Variants in PAX7 observed in about 807,000 individuals in gnomAD.
PAX7 encodes the protein paired box 7, also known as paired box protein Pax-7.
In PAX7, 18 loss-of-function variants were observed where a neutral mutation model predicts 50.7. The observed-to-expected ratio is 0.36, with a 90% CI of 0.25 to 0.53. The LOEUF (loss-of-function observed/expected upper bound fraction) is 0.53. PAX7 is among the 20% of genes least tolerant of loss of function. PAX7 has a pLI of 0.93. For missense variants in PAX7, 644 were observed against 702.9 expected, an observed-to-expected ratio of 0.92 and a Z score of 0.95; for synonymous variants, 310 against 290.4, an observed-to-expected ratio of 1.07 and a Z score of -0.69.
chr1:18,641,996 T>G (rs2088263996), intron 4 of PAX7, among the ~76,000 whole-genome samples: 1 of 148,264 alleles, frequency 6.7e-6, no homozygotes, highest in Non-Finnish European at 1.5e-5. Flanking sequence ...TTCACAGCTT[T>G]CCAAATTTTC....
At chr1:18,717,495 G>C (rs11261052) in intron 7 of PAX7, among the ~76,000 whole-genome samples, 19,608 of 152,112 alleles carry the variant, frequency 0.13, 1,601 homozygotes, top group East Asian at 0.39. Context: ...AGCCAGCTCT[G>C]CTCATCTCTC....
At chr1:18,713,074 T>C (rs1281464677) in intron 7 of PAX7, among the ~76,000 whole-genome samples, 3 of 151,804 alleles carry the variant, frequency 2.0e-5, no homozygotes, top group African/African-American at 7.3e-5. Flanking sequence ...AGATCAAGAC[T>C]CCATCTCAAG....
At chr1:18,656,118 C>T (rs76036634) in intron 4 of PAX7, among the ~76,000 whole-genome samples, 35 of 152,260 alleles carry the variant, frequency 2.3e-4, no homozygotes, top group East Asian at 3.8e-4. Context: ...GCATCTAATG[C>T]GCTTATAACA....
chr1:18,651,808 C>T (rs1359013775), intron 4 of PAX7, among the ~76,000 whole-genome samples: 22 of 133,192 alleles, frequency 1.7e-4, no homozygotes, highest in Non-Finnish European at 3.6e-4. Context: ...ACCCCTCCCC[C>T]TCTCCCCTCC....
intron 4 of PAX7, among the ~76,000 whole-genome samples, chr1:18,665,670 G>C: frequency 2.7e-5 from 2 of 74,022 alleles, no homozygotes; most frequent in Non-Finnish European, 5.1e-5. Context: ...ACTGCGCCCA[G>C]CCTTTTTTTT....
chr1:18,662,998 T>C (rs1049322517), intron 4 of PAX7, among the ~76,000 whole-genome samples: 2 of 152,166 alleles, frequency 1.3e-5, no homozygotes, highest in South Asian at 2.1e-4. Flanking sequence ...CAGAGTTAAA[T>C]ACAATGAATA....
intron 5 of PAX7, among the ~76,000 whole-genome samples, chr1:18,696,505 T>A (rs896694920): frequency 6.6e-6 from 1 of 152,198 alleles, no homozygotes; most frequent in Non-Finnish European, 1.5e-5. Flanking sequence ...GAGATGTAGC[T>A]AAGGAAAGTA....
intron 7 of PAX7, among the ~76,000 whole-genome samples, chr1:18,710,428 G>A (rs142164873): frequency 1.3e-4 from 20 of 152,130 alleles, no homozygotes; most frequent in Non-Finnish European, 2.2e-4. Flanking sequence ...GCGACACTGC[G>A]TTTATAATAG....
intron 7 of PAX7, among the ~76,000 whole-genome samples, chr1:18,713,350 T>G (rs139777661): frequency 1.4e-3 from 206 of 152,214 alleles, no homozygotes; most frequent in African/African-American, 4.6e-3. Context: ...CACAAAATCT[T>G]GGTGTGACAC....
intron 7 of PAX7, among the ~76,000 whole-genome samples, chr1:18,722,624 G>A (rs1008762505): frequency 2.6e-5 from 4 of 152,162 alleles, no homozygotes; most frequent in African/African-American, 7.2e-5. Flanking sequence ...GCCCTGTGTG[G>A]GTGAGGCGGC....
chr1:18,677,168 T>C (rs546676239), intron 4 of PAX7, among the ~76,000 whole-genome samples: 15 of 152,328 alleles, frequency 9.8e-5, no homozygotes, highest in African/African-American at 3.6e-4. Context: ...GCAGGGGAAA[T>C]AACCAAGTTG....
rs934301773 is a variant in PAX7, at chr1:18,634,275, CCTT to C, written c.86-25_86-23del. On this transcript the variant is annotated intron_variant, in intron 1 of 8. Coordinates refer to ENST00000420770, the MANE Select transcript of PAX7 (RefSeq NM_001135254.2). The surrounding 1 kb of genome is among the most constrained non-coding windows in gnomAD (Gnocchi z 4.0). ...CTCCATCCTCACCCTGCACCTCTCT[CCTT>C]CTGCATCTCCCCTCCCTTCTCCAGT... The C allele has an allele frequency of 1.9e-6, 3 of 1,579,398 alleles. No homozygotes were observed. The African/African-American group carries it at 4.0e-5, about 21-fold the overall frequency.
At chr1:18,674,129 C>T (rs1237434108) in intron 4 of PAX7, among the ~76,000 whole-genome samples, 1 of 152,238 alleles carries the variant, frequency 6.6e-6, no homozygotes, top group Non-Finnish European at 1.5e-5. Flanking sequence ...TCTTTGACTC[C>T]TTCAACAAAT....
At position 18,634,199 on chromosome 1, in the gene PAX7, T is replaced by C; in HGVS notation, c.86-104T>C. On this transcript the variant is annotated intron_variant, in intron 1 of 8. Coordinates refer to ENST00000420770, the MANE Select transcript of PAX7 (RefSeq NM_001135254.2). This position sits in a 1 kb window ranked among gnomAD's most constrained non-coding sequence, Gnocchi z 4.0. The stretch of plus-strand genomic sequence containing the variant: ...CCACCGGGATTGCTGTCTGAGGTCT[T>C]GGGGCTCAAACAAACAAAACTGGAG... 2.3e-6 allele frequency: 2 copies of C among 875,248 alleles called. No individual in the cohort carries two copies. Among genetic ancestry groups the C allele is most frequent in the Admixed American group, 2.3e-5 (1 of 44,246 alleles). 54.2% of individuals were successfully genotyped at this position (875,248 alleles called of 1,614,324 possible). A position where few individuals can be genotyped will look rare whatever the true frequency, so the allele number is the denominator to read the frequency against.
chr1:18,694,511 T>TAAATAAATAA (rs1557535039), intron 5 of PAX7, among the ~76,000 whole-genome samples: 89 of 138,690 alleles, frequency 6.4e-4, no homozygotes, highest in East Asian at 1.5e-3. Context: ...TAAATAAATA[T>TAAATAAATAA]AAAATAAAAT....
rs957935534 is a variant in PAX7, at chr1:18,667,370, A to G, written c.587-24384A>G. Among the ~76,000 whole-genome samples, 5 of 150,180 alleles carry G rather than the reference A, an allele frequency of 3.3e-5. No homozygotes were observed. The Admixed American group carries it at 3.4e-4, about 10-fold the overall frequency. On this transcript the variant is annotated intron_variant, in intron 4 of 8. Coordinates refer to ENST00000420770, the MANE Select transcript of PAX7 (RefSeq NM_001135254.2). ...AGTGGAAGGAAGGAAGGAAGGAAAA[A>G]AGAAGGAGAGAAGGAAGGAGAAAGG...
intron 4 of PAX7, among the ~76,000 whole-genome samples, chr1:18,679,638 C>T (rs1178978460): frequency 2.0e-5 from 3 of 152,140 alleles, no homozygotes; most frequent in Non-Finnish European, 4.4e-5. Context: ...ACCACCTGGC[C>T]CCCTCTTCTC....
At chr1:18,653,155 T>C (rs952643916) in intron 4 of PAX7, among the ~76,000 whole-genome samples, 1 of 152,122 alleles carries the variant, frequency 6.6e-6, no homozygotes, top group African/African-American at 2.4e-5. Flanking sequence ...TCAGGGAAGA[T>C]TCATTGAATC....
chr1:18,725,183 A>G (rs531647212), intron 7 of PAX7, among the ~76,000 whole-genome samples: 1 of 152,144 alleles, frequency 6.6e-6, no homozygotes, highest in African/African-American at 2.4e-5. Flanking sequence ...TGAGTCCTTA[A>G]CACGTTGTGA....
Sources: allele counts gnomAD v4.1 joint callset (sites outside exome capture counted in the v4.1 genomes callset), GRCh38; gene constraint gnomAD v4.1.1; non-coding constraint Gnocchi (gnomAD v3.1); transcripts MANE v1.5; gene names NCBI Gene and HGNC (gene_info 2026-07-23, HGNC 2026-07-21).